The following RERE variants were observed in gnomAD, a reference collection of about 807,000 sequenced individuals.
The protein encoded by RERE is arginine-glutamic acid dipeptide repeats protein.
Under a neutral mutation model 146.1 loss-of-function variants are expected in RERE, and 40 were observed. The ratio of observed to expected loss-of-function variants is 0.27; its 90% CI spans 0.21 to 0.36. The LOEUF (loss-of-function observed/expected upper bound fraction) is 0.36, where lower values mean the gene tolerates loss of function less well. Among genes scored for constraint, RERE ranks in the 10% least tolerant of loss-of-function variants. The pLI, the probability that RERE is intolerant of heterozygous loss-of-function variation, is 1.00. For missense variants in RERE, 1,933 were observed against 2,138.7 expected, an observed-to-expected ratio of 0.90 and a Z score of 1.90; for synonymous variants, 1,003 against 866.0, an observed-to-expected ratio of 1.16 and a Z score of -2.78.
intron 11 of RERE, among the ~76,000 whole-genome samples, chr1:8,456,504 T>C (rs1644454993): frequency 6.6e-6 from 1 of 152,210 alleles, no homozygotes; most frequent in Non-Finnish European, 1.5e-5. Context: ...GAGGAATGCA[T>C]GACTCAGAGT....
At chr1:8,533,841 T>C (rs2124375291) in intron 7 of RERE, among the ~76,000 whole-genome samples, 1 of 152,346 alleles carries the variant, frequency 6.6e-6, no homozygotes, top group Middle Eastern at 3.4e-3. Context: ...TGACAAAGGG[T>C]TTTTGAAATG....
intron 10 of RERE, among the ~76,000 whole-genome samples, chr1:8,482,692 A>C (rs1644852003): frequency 2.2e-5 from 3 of 137,726 alleles, no homozygotes; most frequent in African/African-American, 1.0e-4. Context: ...AAAAAAAAAA[A>C]AAAAAAAAAA....
intron 1 of RERE, among the ~76,000 whole-genome samples, chr1:8,727,586 C>T (rs371454781): frequency 1.3e-4 from 20 of 151,240 alleles, no homozygotes; most frequent in East Asian, 5.9e-4. Flanking sequence ...CTCTGCCTCC[C>T]GGGTTCAAGC....
At chr1:8,719,931 C>T (rs766750356) in intron 1 of RERE, among the ~76,000 whole-genome samples, 14 of 152,118 alleles carry the variant, frequency 9.2e-5, no homozygotes, top group South Asian at 4.2e-4. Context: ...GCATGGAGCA[C>T]GTTTGATTCA....
intron 1 of RERE, among the ~76,000 whole-genome samples, chr1:8,695,003 A>T (rs1242354213): frequency 6.2e-5 from 9 of 144,790 alleles, no homozygotes; most frequent in Non-Finnish European, 1.3e-4. Context: ...GCAGCATCAC[A>T]TTATCCAACT....
intron 8 of RERE, among the ~76,000 whole-genome samples, chr1:8,501,893 GTCA>G (rs1645166591): frequency 7.0e-5 from 7 of 100,358 alleles, no homozygotes; most frequent in African/African-American, 1.9e-4. Context: ...GGTGGGGGGG[GTCA>G]GCCCCCCGCC....
chr1:8,358,736 G>A lies in RERE; in HGVS notation c.3799C>T (p.Pro1267Ser). Residue 1267 changes from proline to serine, a missense_variant, in exon 20 of 23, where the codon CCC becomes TCC. Physicochemically the swap from Pro to Ser is moderately conservative, Grantham distance 74. This residue lies in a region of RERE where 1,255 missense variants were observed against 1,153.8 expected (regional missense o/e 1.09). Coordinates refer to ENST00000400908, the MANE Select transcript of RERE (RefSeq NM_001042681.2). ...TAGAAGGGGTGGTTGCGGTTGGTGG[G>A]CGACATGACGTGGGGCCGGGCGTAC... is the stretch of plus-strand genomic sequence containing the variant. ...SEYARPHVMSPTNRNHPFYMP... is the reference protein window; with the variant it reads ...SEYARPHVMSSTNRNHPFYMP... 6.2e-7 allele frequency: 1 copy of A among 1,608,366 alleles called. No individual in the cohort carries two copies. Among genetic ancestry groups the A allele is most frequent in the East Asian group, 2.2e-5 (1 of 44,790 alleles).
Position 8,481,054 on chromosome 1 carries a change from A to C in RERE, c.1104+14009T>G, listed in dbSNP as rs139189423. ...GGAAACAGGAAGGAGATGCAGGAAAAGCTGTGGCATGAAGGATTTCTGATT... is the reference window on the plus strand; with the variant it reads ...GGAAACAGGAAGGAGATGCAGGAAACGCTGTGGCATGAAGGATTTCTGATT... On this transcript the variant is annotated intron_variant, in intron 10 of 22. Coordinates refer to ENST00000400908, the MANE Select transcript of RERE (RefSeq NM_001042681.2). Among the ~76,000 whole-genome samples the C allele has an allele frequency of 2.3e-3, 355 of 152,290 alleles. 1 individual carries two copies. The highest frequency in any genetic ancestry group is 4.1e-3 in the Non-Finnish European group (278 of 68,024).
At chr1:8,559,578 T>C (rs925115571) in intron 4 of RERE, among the ~76,000 whole-genome samples, 10 of 152,092 alleles carry the variant, frequency 6.6e-5, no homozygotes, top group African/African-American at 1.7e-4. Context: ...GTTAAATAAA[T>C]AGAATAAATG....
chr1:8,384,871 G>A (rs1642584303), intron 12 of RERE, among the ~76,000 whole-genome samples: 1 of 152,206 alleles, frequency 6.6e-6, no homozygotes, highest in Non-Finnish European at 1.5e-5. Flanking sequence ...GGCAACAGCT[G>A]GCCATCAACA....
At chr1:8,712,792 AAAAC>A (rs1251518540) in intron 1 of RERE, among the ~76,000 whole-genome samples, 3 of 151,948 alleles carry the variant, frequency 2.0e-5, no homozygotes, top group Admixed American at 1.3e-4. Context: ...TTTTTAATGA[AAAAC>A]AAAATAAAAA....
At chr1:8,472,854 CTTTT>C (rs201311211) in intron 10 of RERE, among the ~76,000 whole-genome samples, 1 of 142,134 alleles carries the variant, frequency 7.0e-6, no homozygotes, top group African/African-American at 2.6e-5. Flanking sequence ...GGCAGTGGTG[CTTTT>C]TTTTTTTTTT....
At chr1:8,766,223 T>G (rs934309560) in intron 1 of RERE, among the ~76,000 whole-genome samples, 2 of 151,888 alleles carry the variant, frequency 1.3e-5, no homozygotes, top group Non-Finnish European at 2.9e-5. Flanking sequence ...TGCCAACTGG[T>G]TTGGAATCTA....
At chr1:8,548,833 A>G (rs192308927) in intron 6 of RERE, among the ~76,000 whole-genome samples, 284 of 152,016 alleles carry the variant, frequency 1.9e-3, no homozygotes, top group African/African-American at 6.5e-3. Context: ...AAATACAAAA[A>G]AATTGGCCAG....
chr1:8,391,342 G>A (rs1377258137), intron 12 of RERE, among the ~76,000 whole-genome samples: 1 of 152,110 alleles, frequency 6.6e-6, no homozygotes, highest in African/African-American at 2.4e-5. Flanking sequence ...ACAGTGCCTG[G>A]CACCTGAGAG....
chr1:8,693,939 T>C (rs1336145231), intron 1 of RERE, among the ~76,000 whole-genome samples: 1 of 151,448 alleles, frequency 6.6e-6, no homozygotes, highest in African/African-American at 2.4e-5. Flanking sequence ...TTTTAATGTT[T>C]TAATCTACCA....
intron 4 of RERE, among the ~76,000 whole-genome samples, chr1:8,591,546 C>T (rs1194789134): frequency 6.6e-6 from 1 of 152,120 alleles, no homozygotes; most frequent in African/African-American, 2.4e-5. Flanking sequence ...TGAACCCTGC[C>T]CTAACATGTT....
chr1:8,398,927 CT>C (rs1459332404), intron 12 of RERE, among the ~76,000 whole-genome samples: 5 of 152,150 alleles, frequency 3.3e-5, no homozygotes, highest in African/African-American at 1.2e-4. Context: ...CTACTTAGAA[CT>C]GATAAACTTT....
intron 4 of RERE, among the ~76,000 whole-genome samples, chr1:8,574,340 C>CTTTTTTTT (rs35921166): frequency 1.1e-5 from 1 of 87,230 alleles, no homozygotes; most frequent in African/African-American, 4.7e-5. Flanking sequence ...TATATATAGT[C>CTTTTTTTT]TTTTTTTTTT....
Sources: allele counts gnomAD v4.1 joint callset (sites outside exome capture counted in the v4.1 genomes callset), GRCh38; gene constraint gnomAD v4.1.1; regional missense constraint gnomAD v4.1.1; transcripts MANE v1.5; gene names NCBI Gene and HGNC (gene_info 2026-07-23, HGNC 2026-07-21).